The following C13orf46 variants were observed in gnomAD, a reference collection of about 807,000 sequenced individuals.
The protein encoded by C13orf46 is uncharacterized protein C13orf46.
the C13orf46 span, among the ~76,000 whole-genome samples, chr13:113,929,389 T>G: frequency 6.6e-6 from 1 of 152,244 alleles, no homozygotes; most frequent in Non-Finnish European, 1.5e-5. Flanking sequence ...GCTGCACATG[T>G]GGCAGCTTCA....
At chr13:113,973,160 C>T (rs1408033884) in intron 1 of C13orf46, among the ~76,000 whole-genome samples, 1 of 152,250 alleles carries the variant, frequency 6.6e-6, no homozygotes, top group African/African-American at 2.4e-5. Flanking sequence ...TCTTCCTAAA[C>T]AAGAGCTGCA....
At chr13:113,931,455 C>T in the C13orf46 span, among the ~76,000 whole-genome samples, 17 of 152,302 alleles carry the variant, frequency 1.1e-4, no homozygotes, top group Admixed American at 2.6e-4. Context: ...AATGCACAAG[C>T]AGACGCCAAG....
the C13orf46 span, among the ~76,000 whole-genome samples, chr13:113,930,236 C>T: frequency 0.013 from 1,947 of 152,336 alleles, 37 homozygotes; most frequent in African/African-American, 0.045. Context: ...ACAAGCCCAT[C>T]ATCAAACACA....
At chr13:113,927,296 G>A in the C13orf46 span, 1 of 371,774 alleles carries the variant, frequency 2.7e-6, no homozygotes, top group Admixed American at 4.6e-5. Flanking sequence ...TTCATATGTG[G>A]GACAGGCTCC....
chr13:113,948,503 G>C, the C13orf46 span, among the ~76,000 whole-genome samples: 2 of 152,202 alleles, frequency 1.3e-5, no homozygotes, highest in African/African-American at 4.8e-5. Context: ...TGGGAACTGG[G>C]CCACGAAACT....
chr13:113,972,170 G>A (rs765399452), intron 1 of C13orf46, among the ~76,000 whole-genome samples: 13 of 152,156 alleles, frequency 8.5e-5, no homozygotes, highest in East Asian at 1.9e-4. Flanking sequence ...TGGTGGCATC[G>A]GGCGGCATTA....
At chr13:113,939,353 C>T in the C13orf46 span, among the ~76,000 whole-genome samples, 1 of 148,258 alleles carries the variant, frequency 6.7e-6, no homozygotes, top group Non-Finnish European at 1.5e-5. Flanking sequence ...CAGAGACCAC[C>T]CGATGGGGAG....
At chr13:113,935,243 C>T in the C13orf46 span, among the ~76,000 whole-genome samples, 1 of 152,368 alleles carries the variant, frequency 6.6e-6, no homozygotes, top group South Asian at 2.1e-4. Flanking sequence ...TGACTCGGCC[C>T]CCGGCGCCCT....
the C13orf46 span, chr13:113,927,527 G>A: frequency 2.5e-6 from 1 of 398,648 alleles, no homozygotes; most frequent in African/African-American, 2.1e-5. Context: ...TTGGAAGGTA[G>A]GGTCAGCCCA....
the C13orf46 span, among the ~76,000 whole-genome samples, chr13:113,945,665 A>AAAG: frequency 7.4e-6 from 1 of 135,512 alleles, no homozygotes; most frequent in Non-Finnish European, 1.6e-5. Context: ...AGAAAGAAAG[A>AAAG]AAGAAAGGAA....
chr13:113,971,631 C>T (rs537101334), intron 1 of C13orf46, among the ~76,000 whole-genome samples: 3 of 152,350 alleles, frequency 2.0e-5, no homozygotes, highest in African/African-American at 7.2e-5. Context: ...CTGGTGCCCC[C>T]GTGAAGTCGG....
chr13:113,961,719 A>AT (rs1376157184), intron 6 of C13orf46, among the ~76,000 whole-genome samples: 1 of 152,008 alleles, frequency 6.6e-6, no homozygotes, highest in Non-Finnish European at 1.5e-5. Context: ...CTGGTTATCC[A>AT]TTTTTTTTCC....
the C13orf46 span, chr13:113,926,913 T>A: frequency 1.3e-5 from 2 of 152,522 alleles, no homozygotes; most frequent in East Asian, 3.9e-4. Context: ...GCCTCCCACA[T>A]CCTTCTCCAG....
the C13orf46 span, among the ~76,000 whole-genome samples, chr13:113,931,368 A>G: frequency 3.3e-5 from 5 of 152,186 alleles, no homozygotes; most frequent in African/African-American, 1.2e-4. Flanking sequence ...ACTCAGTGAG[A>G]GCACCCCTTC....
chr13:113,965,876 T>C (rs1159968205), intron 5 of C13orf46, among the ~76,000 whole-genome samples: 1 of 148,992 alleles, frequency 6.7e-6, no homozygotes, highest in Non-Finnish European at 1.5e-5. Context: ...GTGATGGTGA[T>C]GATGGTGGTA....
intron 6 of C13orf46, among the ~76,000 whole-genome samples, chr13:113,960,325 C>T (rs968167667): frequency 5.3e-5 from 8 of 152,146 alleles, no homozygotes; most frequent in African/African-American, 1.9e-4. Flanking sequence ...CCCTATGTCA[C>T]CACAAAGTTT....
intron 1 of C13orf46, among the ~76,000 whole-genome samples, chr13:113,971,089 C>T (rs762999004): frequency 2.6e-5 from 4 of 152,222 alleles, no homozygotes; most frequent in Non-Finnish European, 5.9e-5. Context: ...TCAGGAGAGC[C>T]TTGGAGTGAG....
downstream of C13orf46, among the ~76,000 whole-genome samples, chr13:113,949,161 G>A (rs994728318): frequency 1.2e-3 from 186 of 150,200 alleles, 2 homozygotes; most frequent in Non-Finnish European, 1.8e-3. Flanking sequence ...CAGGGTTGGG[G>A]AGCCCCCAGG....
At chr13:113,950,202 C>T (rs1176477967), downstream of C13orf46, among the ~76,000 whole-genome samples, 12 of 129,388 alleles carry the variant, frequency 9.3e-5, no homozygotes, top group African/African-American at 3.6e-4. Context: ...GGGGTCCTCA[C>T]CCCCTGCCTT....
Sources: allele counts gnomAD v4.1 joint callset (sites outside exome capture counted in the v4.1 genomes callset), GRCh38; gene constraint gnomAD v4.1.1; transcripts MANE v1.5; gene names NCBI Gene and HGNC (gene_info 2026-07-23, HGNC 2026-07-21).